The following FURIN variants were observed in gnomAD, a reference collection of about 807,000 sequenced individuals.
FURIN encodes FES upstream region.
A neutral mutation model predicts 89.2 loss-of-function variants in FURIN; 18 were observed. That is an observed-to-expected ratio of 0.20 (90% CI 0.14 to 0.30). The LOEUF is 0.30. Among genes scored for constraint, FURIN ranks in the 10% least tolerant of loss-of-function variants. The pLI is 1.00. For missense variants in FURIN, 879 were observed against 1,100.5 expected (o/e 0.80, Z 2.85); for synonymous variants, 508 against 466.4 (o/e 1.09, Z -1.15).
chr15:90,876,148 C>A lies in FURIN; in HGVS notation c.178-107C>A. ...CCGGACAGGGAGCAGATGCCCCGCA[C>A]CCCCGACCGTGGCGAGCCTCCCATG... On this transcript the variant is annotated intron_variant, in intron 2 of 15. Coordinates refer to ENST00000268171, the MANE Select transcript of FURIN (RefSeq NM_002569.4). The surrounding 1 kb of genome is among the most constrained non-coding windows in gnomAD (Gnocchi z 5.0). The A allele has an allele frequency of 2.3e-6, 2 of 854,454 alleles. No homozygotes were observed. Among genetic ancestry groups the A allele is most frequent in the Non-Finnish European group, 3.9e-6 (2 of 511,548 alleles). The allele number at this position is 854,454 out of a possible 1,614,324, so 52.9% of individuals were successfully genotyped here. A position where few individuals can be genotyped will look rare whatever the true frequency, so the allele number is the denominator to read the frequency against.
In FURIN at chr15:90,878,747, G is replaced by A. The variant is rs1237084646; in HGVS notation, c.841-17G>A. 2.7e-6 allele frequency: 4 copies of A among 1,507,416 alleles called. No homozygotes were observed. The highest frequency in any genetic ancestry group is 3.7e-6 in the Non-Finnish European group (4 of 1,084,904). 93.4% of individuals were successfully genotyped at this position (1,507,416 alleles called of 1,614,324 possible). ...CAAGTCCCAATCTTGAATGACCCCA[G>A]CCCACTCTGTCCACAGGGCCGAGGG... On this transcript the variant is annotated splice_polypyrimidine_tract_variant and intron_variant, in intron 8 of 15. Coordinates refer to ENST00000268171, the MANE Select transcript of FURIN (RefSeq NM_002569.4).
Position 90,877,227 on chromosome 15 carries a change from C to CCCCG in FURIN, c.578+17_578+20dup. ...ATGACAACAGGTAAGAAGTGGCAGG[C>CCCCG]CCCGGTCTCTGCCTCCCTTCTCCTT... On this transcript the variant is annotated intron_variant, in intron 6 of 15. Transcript: ENST00000268171. The CCCCG allele has an allele frequency of 1.3e-6, 2 of 1,575,258 alleles. No individual in the cohort carries two copies. The highest frequency in any genetic ancestry group is 2.3e-5 in the South Asian group (2 of 86,508).
chr15:90,879,844 C>T, intron 11 of FURIN, 23 bp from the exon 12 acceptor site: 1 of 1,608,708 alleles, frequency 6.2e-7, no homozygotes, highest in Non-Finnish European at 8.5e-7. Flanking sequence ...TGACAGCTGA[C>T]CCTACCTTCC....
chr15:90,875,880 G>A lies in FURIN; in HGVS notation c.140G>A (p.Ser47Asn). 6.3e-7 allele frequency: 1 copy of A among 1,590,432 alleles called. No individual in the cohort carries two copies. Among genetic ancestry groups the A allele is most frequent in the South Asian group, 1.2e-5 (1 of 86,824 alleles). Residue 47 changes from serine (S) to asparagine (N), a missense_variant, in exon 2 of 16, where the codon AGT (serine) becomes AAT (asparagine). By Grantham distance (46) the Ser-to-Asn change is conservative (BLOSUM62 1). This residue lies in a region of FURIN where 125 missense variants were observed against 125.0 expected (regional missense o/e 1.00). Transcript: ENST00000268171. ...CCTGGAGGCCCAGCGGTGGCCAACA[G>A]TGTGGCACGGAAGCATGGGTTCCTC... ...RIPGGPAVANSVARKHGFLNL... is the reference protein window; with the variant it reads ...RIPGGPAVANNVARKHGFLNL...
At chr15:90,869,176 AC>A (rs2031172967) in intron 1 of FURIN, among the ~76,000 whole-genome samples, 1 of 151,978 alleles carries the variant, frequency 6.6e-6, no homozygotes, top group Non-Finnish European at 1.5e-5. Flanking sequence ...GCCCCCACTT[AC>A]CCATCAGGCC....
At position 90,877,618 on chromosome 15, in the gene FURIN, G is replaced by T; in HGVS notation, c.667+3G>T. 1 of 1,556,486 alleles carries T rather than the reference G, an allele frequency of 6.4e-7. No homozygotes were observed. Among genetic ancestry groups the T allele is most frequent in the South Asian group, 1.2e-5 (1 of 84,424 alleles). The stretch of plus-strand genomic sequence containing the variant: ...GGCCTACAACGCCCGCATTGGAGGT[G>T]AGTGTGGGCCTGGGCCACCCTGTCT... On this transcript the variant is annotated splice_donor_region_variant and intron_variant, in intron 7 of 15. Transcript: ENST00000268171.
chr15:90,871,503 G>T, intron 1 of FURIN: 3 of 1,280 alleles, frequency 2.3e-3, no homozygotes, highest in South Asian at 6.3e-3. Flanking sequence ...ACGGCGCTGG[G>T]AACGCGGGCC....
At position 90,875,433 on chromosome 15, in the gene FURIN, TTTC is replaced by T. The variant is rs2031557103; in HGVS notation, c.-159-144_-159-142del. 5 of 281,780 alleles carry T rather than the reference TTTC, an allele frequency of 1.8e-5. No homozygotes were observed. In the East Asian group the frequency reaches 3.2e-4, roughly 18 times the overall value. The allele number at this position is 281,780 out of a possible 1,614,324, so 17.5% of individuals were successfully genotyped here. A position where few individuals can be genotyped will look rare whatever the true frequency, so the allele number is the denominator to read the frequency against. On this transcript the variant is annotated intron_variant, in intron 1 of 15. Coordinates refer to ENST00000268171, the MANE Select transcript of FURIN (RefSeq NM_002569.4). Reference sequence around the variant, plus strand: ...TATGTGGCTGGCCTTGGGGGCTAGATTTCTTCTGGGGAGGACTAATTTTTTTAC... The same window carrying T: ...TATGTGGCTGGCCTTGGGGGCTAGATTTCTGGGGAGGACTAATTTTTTTAC...
In FURIN at chr15:90,875,920, A is replaced by G; in HGVS notation, c.177+3A>G. ...ATGGGTTCCTCAACCTGGGCCAGGT[A>G]GGTGTTCCCCCACAGGACACTGCCA... On this transcript the variant is annotated splice_donor_region_variant and intron_variant, in intron 2 of 15. Transcript: ENST00000268171. 1.9e-6 allele frequency: 3 copies of G among 1,577,498 alleles called. No individual in the cohort carries two copies. The highest frequency in any genetic ancestry group is 1.3e-5 in the African/African-American group (1 of 74,702).
chr15:90,881,197 G>A lies in FURIN; in HGVS notation c.1793-89G>A. ...AGTCCTGGGGCTGGAGGATCCTGGG[G>A]ATGTGGTGACTTGGCTTGGGGCTGC... On this transcript the variant is annotated intron_variant, in intron 15 of 15. Coordinates refer to ENST00000268171, the MANE Select transcript of FURIN (RefSeq NM_002569.4). This position sits in a 1 kb window ranked among gnomAD's most constrained non-coding sequence, Gnocchi z 4.3. 2 of 1,163,286 alleles carry A rather than the reference G, an allele frequency of 1.7e-6. No individual in the cohort carries two copies. The highest frequency in any genetic ancestry group is 1.5e-5 in the African/African-American group (1 of 65,418). 72.1% of individuals were successfully genotyped at this position (1,163,286 alleles called of 1,614,324 possible).
rs1366792688 is a variant in FURIN, at chr15:90,880,820, T to C, written c.1681+5T>C. On this transcript the variant is annotated splice_donor_5th_base_variant and intron_variant, in intron 14 of 15. Coordinates refer to ENST00000268171, the MANE Select transcript of FURIN (RefSeq NM_002569.4). ...CCAGCGAAGCCAACAACTATGGTAC[T>C]GGGGGCACTTGAGGGGTAGGGGTAC... is the stretch of plus-strand genomic sequence containing the variant. The C allele has an allele frequency of 6.2e-7, 1 of 1,612,616 alleles. No individual in the cohort carries two copies. Among genetic ancestry groups the C allele is most frequent in the Non-Finnish European group, 8.5e-7 (1 of 1,179,002 alleles).
At position 90,881,302 on chromosome 15, in the gene FURIN, C is replaced by G; in HGVS notation, c.1809C>G (p.Phe603Leu). The change falls in exon 16 of 16, where the codon TTC becomes TTG. Residue 603 changes from phenylalanine to leucine, a missense_variant. This residue lies in a region of FURIN where 457 missense variants were observed against 490.7 expected (regional missense o/e 0.93). Coordinates refer to ENST00000268171, the MANE Select transcript of FURIN (RefSeq NM_002569.4). This position sits in a 1 kb window ranked among gnomAD's most constrained non-coding sequence, Gnocchi z 4.3. ...SQACVVCEEG[F>L]SLHQKSCVQH... is the part of the protein sequence containing the mutation. ...CGCCGGCAGTGTGCGAGGAAGGCTT[C>G]TCCCTGCACCAGAAGAGCTGTGTCC... 6.2e-7 allele frequency: 1 copy of G among 1,601,768 alleles called. No individual in the cohort carries two copies. The highest frequency in any genetic ancestry group is 8.5e-7 in the Non-Finnish European group (1 of 1,171,800).
rs1177779225 is a variant in FURIN at position 90,881,801 on chromosome 15, G to C, written c.2308G>C (p.Glu770Gln). 5 of 1,613,520 alleles carry C rather than the reference G, an allele frequency of 3.1e-6. No homozygotes were observed. The highest frequency in any genetic ancestry group is 4.2e-6 in the Non-Finnish European group (5 of 1,179,970). Reference sequence around the variant, plus strand: ...GCTGCCCCCTGAAGCCTGGCAGGAGGAGTGCCCGTCTGACTCAGAAGAGGA... The same window carrying C: ...GCTGCCCCCTGAAGCCTGGCAGGAGCAGTGCCCGTCTGACTCAGAAGAGGA... ...KGLPPEAWQE[E>Q]CPSDSEEDEG... is the part of the protein sequence containing the mutation. The change falls in exon 16 of 16, where the codon GAG becomes CAG. Residue 770 changes from glutamate (E) to glutamine (Q), a missense_variant. By Grantham distance (29) the Glu-to-Gln change is conservative (BLOSUM62 2). Transcript: ENST00000268171. This position sits in a 1 kb window ranked among gnomAD's most constrained non-coding sequence, Gnocchi z 4.3.
At chr15:90,868,766 G>A (rs991440297) in intron 1 of FURIN, 55 bp downstream of exon 1, 3 of 152,208 alleles carry the variant, frequency 2.0e-5, no homozygotes, top group African/African-American at 7.2e-5. Flanking sequence ...ATTATTTTAG[G>A]AGTTCTTGTA....
chr15:90,879,344 C>T (rs992774587), intron 9 of FURIN, 100 bp from the exon 10 acceptor site: 2 of 884,922 alleles, frequency 2.3e-6, no homozygotes, highest in Admixed American at 3.8e-5. Context: ...CCCATACCAT[C>T]TGTGGTGCCC....
chr15:90,881,126 A>G lies in FURIN; in HGVS notation c.1792+86A>G. On this transcript the variant is annotated intron_variant, in intron 15 of 15. Transcript: ENST00000268171. This position sits in a 1 kb window ranked among gnomAD's most constrained non-coding sequence, Gnocchi z 4.3. ...TCCTGAAGCCCAGCTCTAACAGAAA[A>G]AAGTCTCAAGAGACCTAGGGCCCCT... 1 of 1,208,704 alleles carries G rather than the reference A, an allele frequency of 8.3e-7. No individual in the cohort carries two copies. The highest frequency in any genetic ancestry group is 1.2e-6 in the Non-Finnish European group (1 of 820,920). 74.9% of individuals were successfully genotyped at this position (1,208,704 alleles called of 1,614,324 possible).
chr15:90,880,828 C>A lies in FURIN; in HGVS notation c.1681+13C>A. The stretch of plus-strand genomic sequence containing the variant: ...GCCAACAACTATGGTACTGGGGGCA[C>A]TTGAGGGGTAGGGGTACGAGGTGGA... On this transcript the variant is annotated intron_variant, in intron 14 of 15. Transcript: ENST00000268171. 1 of 1,612,332 alleles carries A rather than the reference C, an allele frequency of 6.2e-7. No individual in the cohort carries two copies. The highest frequency in any genetic ancestry group is 8.5e-7 in the Non-Finnish European group (1 of 1,178,776).
At chr15:90,875,291 T>A (rs1723177011) in intron 1 of FURIN, among the ~76,000 whole-genome samples, 1 of 152,146 alleles carries the variant, frequency 6.6e-6, no homozygotes, top group South Asian at 2.1e-4. Flanking sequence ...CGCCTCAGCC[T>A]CCCAAAGTGC....
intron 13 of FURIN, among the ~76,000 whole-genome samples, 193 bp from the exon 14 acceptor site, chr15:90,880,498 C>T (rs1000186268): frequency 2.0e-5 from 3 of 152,196 alleles, no homozygotes; most frequent in African/African-American, 4.8e-5. Flanking sequence ...TTGTGCGGTG[C>T]CTGTGTACCT....
Sources: allele counts gnomAD v4.1 joint callset (sites outside exome capture counted in the v4.1 genomes callset), GRCh38; gene constraint gnomAD v4.1.1; regional missense constraint gnomAD v4.1.1; non-coding constraint Gnocchi (gnomAD v3.1); transcripts MANE v1.5; gene names NCBI Gene and HGNC (gene_info 2026-07-23, HGNC 2026-07-21).